Variants in RBFOX1 observed in about 807,000 individuals in gnomAD.
RBFOX1 encodes RNA binding fox-1 homolog 1, also known as RNA binding protein fox-1 homolog 1.
A neutral mutation model predicts 57.7 loss-of-function variants in RBFOX1; 8 were observed. The ratio of observed to expected loss-of-function variants is 0.14; its 90% CI spans 0.08 to 0.25. RBFOX1 has a LOEUF of 0.25. Among genes scored for constraint, RBFOX1 ranks in the 10% least tolerant of loss-of-function variants. The probability of loss-of-function intolerance (pLI) is 1.00; values close to 1 mark genes in which losing one functional copy is unlikely to be tolerated. For missense variants in RBFOX1, 611 were observed against 548.5 expected, an observed-to-expected ratio of 1.11 and a Z score of -1.14; for synonymous variants, 326 against 222.4, an observed-to-expected ratio of 1.47 and a Z score of -4.15.
At chr16:5,845,828 C>G (rs911811265) in intron 3 of RBFOX1, among the ~76,000 whole-genome samples, 1 of 152,118 alleles carries the variant, frequency 6.6e-6, no homozygotes, top group African/African-American at 2.4e-5. Context: ...CAGCAGTGGT[C>G]TATAAAATGG....
chr16:5,716,442 A>G (rs1012879159), intron 3 of RBFOX1, among the ~76,000 whole-genome samples: 2 of 152,146 alleles, frequency 1.3e-5, no homozygotes, highest in Non-Finnish European at 2.9e-5. Context: ...GTGTCCAACA[A>G]TTGCATGAAA....
At chr16:6,800,333 C>A (rs1310896843) in intron 3 of RBFOX1, among the ~76,000 whole-genome samples, 1 of 152,150 alleles carries the variant, frequency 6.6e-6, no homozygotes, top group East Asian at 1.9e-4. Context: ...TACCAAAAGT[C>A]AGGGCTACCT....
chr16:6,327,891 A>G (rs1347807642), intron 2 of RBFOX1, among the ~76,000 whole-genome samples: 2 of 152,116 alleles, frequency 1.3e-5, no homozygotes, highest in African/African-American at 4.8e-5. Flanking sequence ...CCATAAATTC[A>G]TGTATAAGAA....
intron 2 of RBFOX1, among the ~76,000 whole-genome samples, chr16:6,340,352 C>A (rs930217138): frequency 6.6e-6 from 1 of 152,096 alleles, no homozygotes; most frequent in Non-Finnish European, 1.5e-5. Context: ...GACTCTAAGA[C>A]AGGGTTCTTG....
At chr16:5,373,527 C>T (rs62017736) in intron 1 of RBFOX1, among the ~76,000 whole-genome samples, 4,430 of 152,174 alleles carry the variant, frequency 0.029, 94 homozygotes, top group Middle Eastern at 0.068. Context: ...CCTTCCACCC[C>T]GATTGTAAGT....
Position 7,138,529 on chromosome 16 carries a change from G to A in RBFOX1, c.27+86431G>A, listed in dbSNP as rs117091029. On this transcript the variant is annotated intron_variant, in intron 4 of 15. Coordinates refer to ENST00000550418, the MANE Select transcript of RBFOX1 (RefSeq NM_018723.4). ...CACAAACTCAGTCTTGGAATAAGAAGCACAGTTTTGTGTTATTGTGAAACA... is the reference window on the plus strand; with the variant it reads ...CACAAACTCAGTCTTGGAATAAGAAACACAGTTTTGTGTTATTGTGAAACA... Among the ~76,000 whole-genome samples, 79 of 152,260 alleles carry A rather than the reference G, an allele frequency of 5.2e-4. 1 individual carries two copies. The East Asian group carries it at 0.012, about 24-fold the overall frequency.
intron 1 of RBFOX1, among the ~76,000 whole-genome samples, chr16:6,197,833 T>C (rs755197286): frequency 6.6e-6 from 1 of 152,092 alleles, no homozygotes; most frequent in Non-Finnish European, 1.5e-5. Flanking sequence ...ACTCAGTGTC[T>C]GTTGTTCCCT....
intron 2 of RBFOX1, among the ~76,000 whole-genome samples, chr16:6,453,337 G>A (rs925149571): frequency 1.3e-5 from 2 of 151,958 alleles, no homozygotes; most frequent in Non-Finnish European, 2.9e-5. Context: ...TATTCAACTC[G>A]TATTTATGAG....
intron 3 of RBFOX1, among the ~76,000 whole-genome samples, chr16:6,838,722 G>T (rs1275040757): frequency 6.6e-6 from 1 of 152,118 alleles, no homozygotes; most frequent in African/African-American, 2.4e-5. Context: ...TGCCCGTCCT[G>T]CATCGGTAAT....
chr16:5,559,053 G>C (rs2045787623), intron 2 of RBFOX1, among the ~76,000 whole-genome samples: 2 of 151,818 alleles, frequency 1.3e-5, no homozygotes, highest in African/African-American at 4.8e-5. Flanking sequence ...GTACAGAGCT[G>C]GGCTGGGGGG....
intron 1 of RBFOX1, among the ~76,000 whole-genome samples, chr16:6,099,175 A>G (rs1176243652): frequency 6.6e-6 from 1 of 152,218 alleles, no homozygotes; most frequent in African/African-American, 2.4e-5. Context: ...GGGAATGGAT[A>G]ACTCCATTTG....
intron 4 of RBFOX1, among the ~76,000 whole-genome samples, chr16:7,054,764 C>A (rs892558753): frequency 2.0e-5 from 3 of 152,120 alleles, no homozygotes; most frequent in East Asian, 1.9e-4. Context: ...AATGCATTTC[C>A]AGATTTGCTA....
At chr16:5,400,643 C>A (rs907354344) in intron 1 of RBFOX1, among the ~76,000 whole-genome samples, 3 of 151,680 alleles carry the variant, frequency 2.0e-5, no homozygotes, top group Non-Finnish European at 4.4e-5. Context: ...AGTTTAATTT[C>A]CCCTTCCAGT....
chr16:5,768,586 G>A (rs965092439), intron 3 of RBFOX1, among the ~76,000 whole-genome samples: 1 of 152,154 alleles, frequency 6.6e-6, no homozygotes, highest in Non-Finnish European at 1.5e-5. Flanking sequence ...AAGCTACCAG[G>A]TGGTAGCATT....
chr16:6,884,256 A>G (rs969591601), intron 3 of RBFOX1, among the ~76,000 whole-genome samples: 1 of 152,146 alleles, frequency 6.6e-6, no homozygotes, highest in African/African-American at 2.4e-5. Context: ...CGTGGCAATA[A>G]GTATGTGTCC....
chr16:7,619,625 C>T (rs930947532), intron 10 of RBFOX1, among the ~76,000 whole-genome samples: 5 of 152,118 alleles, frequency 3.3e-5, no homozygotes, highest in African/African-American at 1.2e-4. Flanking sequence ...ATAGAGAAGC[C>T]TGTCTAGACA....
intron 1 of RBFOX1, among the ~76,000 whole-genome samples, chr16:5,284,153 GCTT>G (rs1311375045): frequency 6.6e-6 from 1 of 152,198 alleles, no homozygotes; most frequent in Non-Finnish European, 1.5e-5. Flanking sequence ...GCCATGACTT[GCTT>G]CTTCTTGCCT....
chr16:6,183,524 A>AAATAAATAAATG lies in RBFOX1; in HGVS notation c.-126-133468_-126-133467insAAATAAATGAAT, dbSNP rs1306043659. 7.3e-5 allele frequency among the ~76,000 whole-genome samples: 11 copies of AAATAAATAAATG among 150,492 alleles called. No individual in the cohort carries two copies. The East Asian group carries it at 2.1e-3, about 29-fold the overall frequency. ...TAAATAAATAAATAAATAAATAAAT[A>AAATAAATAAATG]AATGTAAGGAGAATAGGATATGTTC... On this transcript the variant is annotated intron_variant, in intron 1 of 15. Coordinates refer to ENST00000550418, the MANE Select transcript of RBFOX1 (RefSeq NM_018723.4).
At chr16:5,827,499 G>T (rs1597399897) in intron 3 of RBFOX1, among the ~76,000 whole-genome samples, 1 of 151,174 alleles carries the variant, frequency 6.6e-6, no homozygotes, top group Non-Finnish European at 1.5e-5. Context: ...TGCACCCCGA[G>T]AACTCCCTCC....
Sources: allele counts gnomAD v4.1 joint callset (sites outside exome capture counted in the v4.1 genomes callset), GRCh38; gene constraint gnomAD v4.1.1; transcripts MANE v1.5; gene names NCBI Gene and HGNC (gene_info 2026-07-23, HGNC 2026-07-21).